ETV6: variants seen among roughly 807,000 people sequenced by gnomAD.
ETV6 encodes ETS variant transcription factor 6, also known as transcription factor ETV6.
ETV6 carries 16 observed loss-of-function variants against 51.1 expected under a neutral mutation model. That is an observed-to-expected ratio of 0.31 (90% CI 0.21 to 0.48). ETV6 has a LOEUF of 0.48. Ranked by LOEUF, ETV6 falls within the 20% of genes least tolerant of loss-of-function variation. ETV6 has a pLI of 0.99. For synonymous variants in ETV6, 240 were observed against 224.1 expected (o/e 1.07, Z -0.64); for missense variants, 458 against 594.8 (o/e 0.77, Z 2.39).
rs185690033 is a variant in ETV6 at position 11,808,139 on chromosome 12, T to C, written c.164-31001T>C. On this transcript the variant is annotated intron_variant, in intron 2 of 7. Coordinates refer to ENST00000396373, the MANE Select transcript of ETV6 (RefSeq NM_001987.5). ...CAGCAAAGCTAATTGTTCTCAAATA[T>C]TTGATAACAAGGATGGCATACGTAG... 2.8e-3 allele frequency among the ~76,000 whole-genome samples: 423 copies of C among 152,302 alleles called. 2 individuals are homozygous for C. Among genetic ancestry groups the C allele is most frequent in the African/African-American group, 9.9e-3 (411 of 41,564 alleles).
At chr12:11,656,697 C>T (rs940445753) in intron 1 of ETV6, among the ~76,000 whole-genome samples, 5 of 152,164 alleles carry the variant, frequency 3.3e-5, no homozygotes, top group Middle Eastern at 3.4e-3. Context: ...TTGCTTCCTC[C>T]GGTGCTTAAT....
chr12:11,794,294 C>G (rs146255889), intron 2 of ETV6, among the ~76,000 whole-genome samples: 55 of 152,292 alleles, frequency 3.6e-4, no homozygotes, highest in African/African-American at 1.2e-3. Flanking sequence ...AAGGAAGATG[C>G]TTCCTATGAA....
chr12:11,823,155 T>G (rs1171353051), intron 2 of ETV6, among the ~76,000 whole-genome samples: 1 of 152,148 alleles, frequency 6.6e-6, no homozygotes, highest in East Asian at 1.9e-4. Flanking sequence ...TTGTGGGGGC[T>G]CTTTCTGAGA....
chr12:11,891,126 A>T lies in ETV6; in HGVS notation c.*80A>T. 1 of 1,116,918 alleles carries T rather than the reference A, an allele frequency of 9.0e-7. No homozygotes were observed. The highest frequency in any genetic ancestry group is 1.3e-6 in the Non-Finnish European group (1 of 750,954). The allele number at this position is 1,116,918 out of a possible 1,614,324, so 69.2% of individuals were successfully genotyped here. On this transcript the variant is annotated 3_prime_UTR_variant, in exon 8 of 8. Coordinates refer to ENST00000396373, the MANE Select transcript of ETV6 (RefSeq NM_001987.5). ...AGGATTGCTGGAAGTGTGACGGAGC[A>T]GGCGGGCTGAGGAGAGTGGAAAAGG...
chr12:11,845,862 C>T (rs1303923603), intron 3 of ETV6, among the ~76,000 whole-genome samples: 3 of 152,004 alleles, frequency 2.0e-5, no homozygotes, highest in East Asian at 1.9e-4. Context: ...CGTGGTGGCA[C>T]GCACCTGTAT....
Position 11,650,113 on chromosome 12 carries a change from C to G in ETV6, c.-15C>G. 1 of 1,613,444 alleles carries G rather than the reference C, an allele frequency of 6.2e-7. No individual in the cohort carries two copies. The highest frequency in any genetic ancestry group is 8.5e-7 in the Non-Finnish European group (1 of 1,179,452). ...AAAAAACCTGAGAACTTCCTGATCT[C>G]TCTCGCTGTGAGACATGTCTGAGAC... On this transcript the variant is annotated 5_prime_UTR_variant, in exon 1 of 8. Transcript: ENST00000396373.
In ETV6 at chr12:11,891,198, G is replaced by A; in HGVS notation, c.*152G>A. ...GACACTTCTCTTGCAGACCAAGAGG[G>A]ACCCTGGAGCACCTTAGACAAACTA... On this transcript the variant is annotated 3_prime_UTR_variant, in exon 8 of 8. Transcript: ENST00000396373. The A allele has an allele frequency of 1.6e-6, 1 of 607,756 alleles. No homozygotes were observed. Among genetic ancestry groups the A allele is most frequent in the Non-Finnish European group, 2.9e-6 (1 of 344,088 alleles). 37.6% of individuals were successfully genotyped at this position (607,756 alleles called of 1,614,324 possible).
At chr12:11,732,249 T>A (rs769610800) in intron 1 of ETV6, among the ~76,000 whole-genome samples, 3 of 152,232 alleles carry the variant, frequency 2.0e-5, no homozygotes, top group Non-Finnish European at 4.4e-5. Flanking sequence ...CTTGTTTTTT[T>A]GTCTACCCTT....
At chr12:11,863,644 ATCT>A (rs1033113625) in intron 4 of ETV6, among the ~76,000 whole-genome samples, 5 of 152,294 alleles carry the variant, frequency 3.3e-5, no homozygotes, top group Admixed American at 6.5e-5. Flanking sequence ...GACCAAAAAA[ATCT>A]TCTTGTTTTA....
At chr12:11,687,929 C>T (rs1228143280) in intron 1 of ETV6, among the ~76,000 whole-genome samples, 1 of 152,196 alleles carries the variant, frequency 6.6e-6, no homozygotes. Flanking sequence ...GAGTGCTTCC[C>T]GTGTGCTAAG....
At chr12:11,677,648 C>T (rs776787075) in intron 1 of ETV6, among the ~76,000 whole-genome samples, 4 of 152,164 alleles carry the variant, frequency 2.6e-5, no homozygotes, top group Non-Finnish European at 2.9e-5. Flanking sequence ...CAGAATTATC[C>T]GGGTGAAGAA....
At chr12:11,860,371 G>C (rs986331067) in intron 4 of ETV6, among the ~76,000 whole-genome samples, 13 of 152,202 alleles carry the variant, frequency 8.5e-5, no homozygotes, top group African/African-American at 3.1e-4. Flanking sequence ...ACGTATATGC[G>C]TGCACTCTAC....
chr12:11,672,771 G>A (rs1486721622), intron 1 of ETV6, among the ~76,000 whole-genome samples: 3 of 152,190 alleles, frequency 2.0e-5, no homozygotes, highest in African/African-American at 4.8e-5. Flanking sequence ...GAGTGGCCAA[G>A]TCTTAAGAAA....
intron 4 of ETV6, among the ~76,000 whole-genome samples, chr12:11,862,292 G>A: frequency 6.6e-6 from 1 of 152,132 alleles, no homozygotes; most frequent in African/African-American, 2.4e-5. Flanking sequence ...GCACATTGTG[G>A]GGATGAATAG....
intron 6 of ETV6, 103 bp from the exon 7 acceptor site, chr12:11,885,823 A>AGCTGAAGAGCTTTTATTTTAATAGCTCCC: frequency 1.3e-6 from 1 of 785,228 alleles, no homozygotes; most frequent in Non-Finnish European, 2.1e-6. Context: ...CACAGGCAGC[A>AGCTGAAGAGCTTTTATTTTAATAGCTCCC]GCTGAAGAGC....
rs1023470061 is a variant in ETV6, at chr12:11,892,073, G to C, written c.*1027G>C. The C allele has an allele frequency of 4.3e-6, 1 of 233,446 alleles. No homozygotes were observed. The highest frequency in any genetic ancestry group is 2.2e-5 in the African/African-American group (1 of 45,334). The allele number at this position is 233,446 out of a possible 1,614,324, so 14.5% of individuals were successfully genotyped here. On this transcript the variant is annotated 3_prime_UTR_variant, in exon 8 of 8. Coordinates refer to ENST00000396373, the MANE Select transcript of ETV6 (RefSeq NM_001987.5). ...ATGAAAAGACCACACAGGCCCAGCA[G>C]TCCAGAAACTGGGCAAAAATATTCT...
chr12:11,751,462 G>A (rs1866026977), intron 1 of ETV6: 1 of 518,422 alleles, frequency 1.9e-6, no homozygotes, highest in Non-Finnish European at 3.9e-6. Flanking sequence ...ATGTTTACAT[G>A]TGGACTGCAA....
intron 2 of ETV6, among the ~76,000 whole-genome samples, chr12:11,796,772 T>TG (rs1945682792): frequency 1.9e-5 from 2 of 107,262 alleles, no homozygotes; most frequent in African/African-American, 6.8e-5. Flanking sequence ...TTTTCTTTTT[T>TG]TTTTTTTTGT....
intron 1 of ETV6, among the ~76,000 whole-genome samples, chr12:11,666,518 A>T (rs967201441): frequency 6.6e-6 from 1 of 152,168 alleles, no homozygotes; most frequent in African/African-American, 2.4e-5. Context: ...GTCTTAAGAG[A>T]GTGTGTTAGG....
Sources: allele counts gnomAD v4.1 joint callset (sites outside exome capture counted in the v4.1 genomes callset), GRCh38; gene constraint gnomAD v4.1.1; transcripts MANE v1.5; gene names NCBI Gene and HGNC (gene_info 2026-07-23, HGNC 2026-07-21).